CXCL1: variants seen among roughly 807,000 people sequenced by gnomAD.
CXCL1 encodes the protein growth-regulated alpha protein.
In CXCL1, 9 loss-of-function variants were observed where a neutral mutation model predicts 11.7. The ratio of observed to expected loss-of-function variants is 0.77; its 90% CI spans 0.46 to 1.34. CXCL1 has a LOEUF of 1.34. CXCL1 is among the 40% of genes most tolerant of loss of function. The probability of loss-of-function intolerance (pLI) is 0.00; values close to 1 mark genes in which losing one functional copy is unlikely to be tolerated. For missense variants in CXCL1, 146 were observed against 138.1 expected, an observed-to-expected ratio of 1.06 and a Z score of -0.29; for synonymous variants, 78 against 59.1, an observed-to-expected ratio of 1.32 and a Z score of -1.47.
Position 73,871,227 on chromosome 4 carries a change from G to T in CXCL1, c.*691G>T, listed in dbSNP as rs1350317051. The stretch of plus-strand genomic sequence containing the variant: ...TTTTCATAGAGAATATAAAAATAAA[G>T]CACTTATAGAAAAAACTCGTTTGAT... On this transcript the variant is annotated 3_prime_UTR_variant, in exon 4 of 4. Transcript: ENST00000395761. The T allele has an allele frequency of 6.6e-6, 1 of 152,140 alleles. No homozygotes were observed. Among genetic ancestry groups the T allele is most frequent in the Non-Finnish European group, 1.5e-5 (1 of 68,006 alleles). The allele number at this position is 152,140 out of a possible 1,614,324, so 9.4% of individuals were successfully genotyped here.
At chr4:73,869,870 G>C (rs765987608) in intron 2 of CXCL1, 36 bp from the exon 3 acceptor site, 2 of 1,613,886 alleles carry the variant, frequency 1.2e-6, no homozygotes, top group African/African-American at 1.3e-5. Flanking sequence ...TCCCCAGCCC[G>C]ACCTCCTGCC....
Position 73,870,729 on chromosome 4 carries a change from A to T in CXCL1, c.*193A>T. On this transcript the variant is annotated 3_prime_UTR_variant, in exon 4 of 4. Transcript: ENST00000395761. ...TTTGAAGATTCTATGTTAATATTTTAGGTGTAAAATAATTAAGGGTATGAT... is the reference window on the plus strand; with the variant it reads ...TTTGAAGATTCTATGTTAATATTTTTGGTGTAAAATAATTAAGGGTATGAT... 4 of 620,440 alleles carry T rather than the reference A, an allele frequency of 6.4e-6. No homozygotes were observed. Among genetic ancestry groups the T allele is most frequent in the Non-Finnish European group, 1.1e-5 (4 of 368,714 alleles). The allele number at this position is 620,440 out of a possible 1,614,324, so 38.4% of individuals were successfully genotyped here.
In CXCL1 at chr4:73,870,474, T is replaced by G. The variant is rs745495940; in HGVS notation, c.309-47T>G. The G allele has an allele frequency of 3.1e-6, 5 of 1,612,878 alleles. No individual in the cohort carries two copies. The Admixed American group carries it at 8.3e-5, about 27-fold the overall frequency. The stretch of plus-strand genomic sequence containing the variant: ...AGGGCAGGAGAAGAGTGTTGTGCAA[T>G]CAGCTTTCCCGAGCACCTACTCAGG... On this transcript the variant is annotated intron_variant, in intron 3 of 3. Transcript: ENST00000395761.
intron 3 of CXCL1, 91 bp downstream of exon 3, chr4:73,870,080 A>G: frequency 1.5e-6 from 2 of 1,299,236 alleles, no homozygotes; most frequent in Non-Finnish European, 2.2e-6. Context: ...AGGAAAACCC[A>G]GGGGTTAGTT....
chr4:73,869,856 C>A, intron 2 of CXCL1, 50 bp from the exon 3 acceptor site: 1 of 1,613,956 alleles, frequency 6.2e-7, no homozygotes, highest in Non-Finnish European at 8.5e-7. Flanking sequence ...CTGCCCCAAC[C>A]CTGTCCCCAG....
intron 3 of CXCL1, 24 bp from the exon 4 acceptor site, chr4:73,870,497 A>T: frequency 6.2e-7 from 1 of 1,613,758 alleles, no homozygotes; most frequent in Middle Eastern, 1.7e-4. Flanking sequence ...GCACCTACTC[A>T]GGGCACCCAT....
rs1731897844 is a variant in CXCL1 at position 73,869,758 on chromosome 4, TC to T, written c.195del (p.Gly66AspfsTer10). 1.2e-6 allele frequency: 2 copies of T among 1,613,862 alleles called. No individual in the cohort carries two copies. Among genetic ancestry groups the T allele is most frequent in the Non-Finnish European group, 1.7e-6 (2 of 1,179,910 alleles). On this transcript the variant is annotated frameshift_variant, in exon 2 of 4. Coordinates refer to ENST00000395761, the MANE Select transcript of CXCL1 (RefSeq NM_001511.4). LOFTEE classifies it high-confidence loss of function. Reference sequence around the variant, plus strand: ...GAACATCCAAAGTGTGAACGTGAAGTCCCCCGGACCCCACTGCGCCCAAACC... The same window carrying T: ...GAACATCCAAAGTGTGAACGTGAAGTCCCCGGACCCCACTGCGCCCAAACC... ...PKNIQSVNVK[S>X]PGPHCAQTEV...
At chr4:73,870,098 T>C (rs181532013) in intron 3 of CXCL1, 109 bp downstream of exon 3, 246 of 1,059,388 alleles carry the variant, frequency 2.3e-4, no homozygotes, top group Non-Finnish European at 3.3e-4. Flanking sequence ...GTTGAAGGAC[T>C]AGAAATTGGG....
rs1170959600 is a variant in CXCL1 at position 73,870,548 on chromosome 4, G to A, written c.*12G>A. On this transcript the variant is annotated 3_prime_UTR_variant, in exon 4 of 4. Coordinates refer to ENST00000395761, the MANE Select transcript of CXCL1 (RefSeq NM_001511.4). ...ACAAATCCAACTGACCAGAAGGGAG[G>A]AGGAAGCTCACTGGTGGCTGTTCCT... is the stretch of plus-strand genomic sequence containing the variant. The A allele has an allele frequency of 6.2e-7, 1 of 1,613,880 alleles. No homozygotes were observed. Among genetic ancestry groups the A allele is most frequent in the South Asian group, 1.1e-5 (1 of 91,056 alleles).
At chr4:73,870,481 T>A (rs769637600) in intron 3 of CXCL1, 40 bp from the exon 4 acceptor site, 2 of 1,613,508 alleles carry the variant, frequency 1.2e-6, no homozygotes. Flanking sequence ...CAATCAGCTT[T>A]CCCGAGCACC....
chr4:73,869,748 G>C lies in CXCL1; in HGVS notation c.180G>C (p.Val60=). ...QGIHPKNIQS[V]NVKSPGPHCA... ...TTCACCCCAAGAACATCCAAAGTGT[G>C]AACGTGAAGTCCCCCGGACCCCACT... Residue 60 remains valine, a synonymous_variant, in exon 2 of 4, where the codon GTG becomes GTC. Coordinates refer to ENST00000395761, the MANE Select transcript of CXCL1 (RefSeq NM_001511.4). 4 of 1,614,104 alleles carry C rather than the reference G, an allele frequency of 2.5e-6. No homozygotes were observed. Among genetic ancestry groups the C allele is most frequent in the Middle Eastern group, 1.6e-4 (1 of 6,062 alleles).
At chr4:73,870,269 G>C in intron 3 of CXCL1, 1 of 613,108 alleles carries the variant, frequency 1.6e-6, no homozygotes, top group South Asian at 2.0e-5. Flanking sequence ...ACAGCAACAG[G>C]TTCTGGCTGT....
In CXCL1 at chr4:73,870,840, T is replaced by C. The variant is rs1375536770; in HGVS notation, c.*304T>C. The C allele has an allele frequency of 7.6e-6, 2 of 264,244 alleles. No homozygotes were observed. The highest frequency in any genetic ancestry group is 1.4e-5 in the Non-Finnish European group (2 of 138,010). 16.4% of individuals were successfully genotyped at this position (264,244 alleles called of 1,614,324 possible). A position where few individuals can be genotyped will look rare whatever the true frequency, so the allele number is the denominator to read the frequency against. On this transcript the variant is annotated 3_prime_UTR_variant, in exon 4 of 4. Coordinates refer to ENST00000395761, the MANE Select transcript of CXCL1 (RefSeq NM_001511.4). ...AGTTCAATCTGGATTCATATTTAAT[T>C]TGAAGGTAGAATGTTTTCAAATGTT... is the stretch of plus-strand genomic sequence containing the variant.
rs181868085 is a variant in CXCL1, at chr4:73,869,712, C to T, written c.144C>T (p.Thr48=). 18 of 1,614,064 alleles carry T rather than the reference C, an allele frequency of 1.1e-5. No individual in the cohort carries two copies. The Admixed American group carries it at 3.0e-4, about 27-fold the overall frequency. ...AACTGCGCTGCCAGTGCTTGCAGACCCTGCAGGGAATTCACCCCAAGAACA... is the reference window on the plus strand; with the variant it reads ...AACTGCGCTGCCAGTGCTTGCAGACTCTGCAGGGAATTCACCCCAAGAACA... ...ATELRCQCLQ[T]LQGIHPKNIQ... is the part of the protein sequence containing the mutation. The change falls in exon 2 of 4, where the codon ACC becomes ACT. Residue 48 remains threonine (T), a synonymous_variant. Coordinates refer to ENST00000395761, the MANE Select transcript of CXCL1 (RefSeq NM_001511.4).
Position 73,869,772 on chromosome 4 carries a change from C to T in CXCL1, c.204C>T (p.His68=). The T allele has an allele frequency of 6.8e-6, 11 of 1,614,086 alleles. No homozygotes were observed. The highest frequency in any genetic ancestry group is 9.3e-6 in the Non-Finnish European group (11 of 1,179,952). The change falls in exon 2 of 4, where the codon CAC becomes CAT. Residue 68 remains histidine (H), a synonymous_variant. Transcript: ENST00000395761. The part of the protein sequence containing the change: ...QSVNVKSPGP[H]CAQTEVIATL... ...TGAACGTGAAGTCCCCCGGACCCCA[C>T]TGCGCCCAAACCGAAGTCATGTAAG...
chr4:73,869,622 C>T (rs754326367), intron 1 of CXCL1, 47 bp from the exon 2 acceptor site: 3 of 1,613,708 alleles, frequency 1.9e-6, no homozygotes, highest in Admixed American at 3.3e-5. Context: ...GGGGTAGGCA[C>T]CCAGCGCCGA....
chr4:73,870,442 G>T, intron 3 of CXCL1, 79 bp from the exon 4 acceptor site: 3 of 1,581,350 alleles, frequency 1.9e-6, no homozygotes, highest in Non-Finnish European at 2.6e-6. Flanking sequence ...CTAGAGGCTG[G>T]AGGAGCAGGG....
Position 73,870,535 on chromosome 4 carries a change from G to C in CXCL1, c.323G>C (p.Ter108SerextTer13). The C allele has an allele frequency of 6.2e-7, 1 of 1,613,844 alleles. No homozygotes were observed. The highest frequency in any genetic ancestry group is 8.5e-7 in the Non-Finnish European group (1 of 1,179,832). The change falls in exon 4 of 4, where the codon TGA becomes TCA. Residue 108 changes from the stop codon to serine, a stop_lost. Transcript: ENST00000395761. ...EKMLNSDKSN[*>S] ...TCTCATTGCAGTGACAAATCCAACT[G>C]ACCAGAAGGGAGGAGGAAGCTCACT...
chr4:73,870,918 T>C lies in CXCL1; in HGVS notation c.*382T>C, dbSNP rs113554285. 42 of 176,170 alleles carry C rather than the reference T, an allele frequency of 2.4e-4. No homozygotes were observed. The highest frequency in any genetic ancestry group is 9.8e-4 in the African/African-American group (41 of 41,832). The allele number at this position is 176,170 out of a possible 1,614,324, so 10.9% of individuals were successfully genotyped here. ...GGAGCCTGCAACATGCCAGCCACTG[T>C]GATAGAGGCTGGCGGATCCAAGCAA... On this transcript the variant is annotated 3_prime_UTR_variant, in exon 4 of 4. Coordinates refer to ENST00000395761, the MANE Select transcript of CXCL1 (RefSeq NM_001511.4).
Sources: allele counts gnomAD v4.1 joint callset, GRCh38; gene constraint gnomAD v4.1.1; transcripts MANE v1.5; gene names NCBI Gene and HGNC (gene_info 2026-07-23, HGNC 2026-07-21).